The following WDR59 variants were observed in gnomAD, a reference collection of about 807,000 sequenced individuals.
The protein encoded by WDR59 is WD repeat domain 59, also known as GATOR2 complex protein WDR59.
In WDR59, 100 loss-of-function variants were observed where a neutral mutation model predicts 131.2. That is an observed-to-expected ratio of 0.76 (90% CI 0.65 to 0.90). The LOEUF is 0.90. WDR59 is among the 40% of genes least tolerant of loss of function. WDR59 has a pLI of 0.00. For missense variants in WDR59, 1,203 were observed against 1,262.2 expected (o/e 0.95, Z 0.71); for synonymous variants, 601 against 466.2 (o/e 1.29, Z -3.72).
intron 8 of WDR59, among the ~76,000 whole-genome samples, chr16:74,924,310 T>A (rs1054755663): frequency 6.6e-6 from 1 of 152,248 alleles, no homozygotes; most frequent in Non-Finnish European, 1.5e-5. Flanking sequence ...GTGTTTGATT[T>A]TGTATCACGT....
chr16:74,924,612 G>A (rs1597725733), intron 8 of WDR59, among the ~76,000 whole-genome samples: 1 of 152,240 alleles, frequency 6.6e-6, no homozygotes, highest in South Asian at 2.1e-4. Context: ...CACACAAAGT[G>A]AGCCACACAA....
chr16:74,958,317 T>C (rs74836057), intron 2 of WDR59, among the ~76,000 whole-genome samples: 3,543 of 151,994 alleles, frequency 0.023, 143 homozygotes, highest in African/African-American at 0.08. Context: ...AGGCCAGGCA[T>C]GGTGGCTCAC....
intron 18 of WDR59, among the ~76,000 whole-genome samples, chr16:74,900,854 C>A (rs570870926): frequency 6.6e-6 from 1 of 152,340 alleles, no homozygotes; most frequent in African/African-American, 2.4e-5. Flanking sequence ...TGCAGTGGCT[C>A]ACGCCTGTAA....
At chr16:74,932,151 T>C (rs1251866319) in intron 8 of WDR59, among the ~76,000 whole-genome samples, 2 of 151,778 alleles carry the variant, frequency 1.3e-5, no homozygotes. Context: ...TGGAGTGCAG[T>C]GGTCTGATCA....
chr16:74,880,177 G>A (rs1964410226), intron 25 of WDR59, among the ~76,000 whole-genome samples: 1 of 152,220 alleles, frequency 6.6e-6, no homozygotes, highest in Admixed American at 6.5e-5. Context: ...GCCGGGTGCA[G>A]TGGCTCACGC....
intron 6 of WDR59, among the ~76,000 whole-genome samples, chr16:74,948,305 C>G (rs112702441): frequency 9.2e-5 from 14 of 152,334 alleles, no homozygotes; most frequent in African/African-American, 3.4e-4. Flanking sequence ...CTGCTCCACA[C>G]CCAACAGTCC....
At position 74,914,697 on chromosome 16, in the gene WDR59, G is replaced by A. The variant is rs145958250; in HGVS notation, c.1224+1173C>T. On this transcript the variant is annotated intron_variant, in intron 13 of 25. Coordinates refer to ENST00000262144, the MANE Select transcript of WDR59 (RefSeq NM_030581.4). ...CAAGCTCTGCCTCCTGGGTTCAAGC[G>A]ATTCTCCTGCCTCAGCCTCGTGAAT... is the stretch of plus-strand genomic sequence containing the variant. 1.2e-3 allele frequency among the ~76,000 whole-genome samples: 184 copies of A among 151,642 alleles called. 3 individuals carry two copies. In the East Asian group the frequency reaches 0.028, roughly 23 times the overall value.
intron 19 of WDR59, 51 bp downstream of exon 19, chr16:74,893,628 G>T (rs765200912): frequency 2.6e-6 from 4 of 1,518,986 alleles, no homozygotes; most frequent in East Asian, 2.3e-5. Context: ...AAAAAGTTTT[G>T]CTAATCCTGG....
chr16:74,945,039 G>A lies in WDR59; in HGVS notation c.446-2213C>T, dbSNP rs1336757757. 8.6e-5 allele frequency among the ~76,000 whole-genome samples: 13 copies of A among 151,802 alleles called. 1 individual carries two copies. The highest frequency in any genetic ancestry group is 8.8e-5 in the Non-Finnish European group (6 of 67,970). The stretch of plus-strand genomic sequence containing the variant: ...CTCGGGAGGCTGAGGCAGGAGAATC[G>A]CTTGAACCCAGGAGGCGGAGGTTGC... On this transcript the variant is annotated intron_variant, in intron 6 of 25. Coordinates refer to ENST00000262144, the MANE Select transcript of WDR59 (RefSeq NM_030581.4).
intron 10 of WDR59, 70 bp downstream of exon 10, chr16:74,921,877 G>A (rs756487968): frequency 2.1e-5 from 32 of 1,541,202 alleles, no homozygotes; most frequent in Non-Finnish European, 2.7e-5. Flanking sequence ...TGGACTCCAT[G>A]GCAACACTGA....
At chr16:74,956,426 C>T in intron 3 of WDR59, 49 bp downstream of exon 3, 1 of 1,596,946 alleles carries the variant, frequency 6.3e-7, no homozygotes, top group Non-Finnish European at 8.6e-7. Flanking sequence ...CTGCCAGCCC[C>T]AGATGACACA....
At chr16:74,950,427 A>G (rs2032926755) in intron 4 of WDR59, among the ~76,000 whole-genome samples, 2 of 152,214 alleles carry the variant, frequency 1.3e-5, no homozygotes, top group South Asian at 4.1e-4. Flanking sequence ...TTCTAAATCA[A>G]ATTCCACCAG....
At chr16:74,922,404 C>T (rs1236962105) in intron 9 of WDR59, among the ~76,000 whole-genome samples, 3 of 152,200 alleles carry the variant, frequency 2.0e-5, no homozygotes, top group Non-Finnish European at 2.9e-5. Flanking sequence ...CACTGTTTCA[C>T]ATCCTAGCTA....
intron 18 of WDR59, among the ~76,000 whole-genome samples, chr16:74,902,528 C>T (rs1417305198): frequency 1.3e-5 from 2 of 152,102 alleles, no homozygotes; most frequent in South Asian, 4.1e-4. Context: ...GTGGGCTTTA[C>T]ACACCCCCAC....
chr16:74,927,897 A>ATTCT (rs1209311312), intron 8 of WDR59, among the ~76,000 whole-genome samples: 1 of 143,560 alleles, frequency 7.0e-6, no homozygotes, highest in African/African-American at 2.6e-5. Context: ...CCTTTTCTTT[A>ATTCT]TTCTTTCTTT....
At position 74,915,853 on chromosome 16, in the gene WDR59, T is replaced by C. The variant is rs781746550; in HGVS notation, c.1224+17A>G. On this transcript the variant is annotated intron_variant, in intron 13 of 25. Transcript: ENST00000262144. ...TGCCATCAGCAAACATGAGATACAG[T>C]TGATTAAACTAAGTACCTCCACATT... 5.0e-6 allele frequency: 8 copies of C among 1,614,176 alleles called. No homozygotes were observed. The highest frequency in any genetic ancestry group is 1.7e-5 in the Admixed American group (1 of 60,018).
At chr16:74,981,660 A>ATATATATATATATT (rs1567451007) in intron 1 of WDR59, among the ~76,000 whole-genome samples, 1 of 80,864 alleles carries the variant, frequency 1.2e-5, no homozygotes, top group African/African-American at 7.4e-5. Flanking sequence ...ATATATATAT[A>ATATATATATATATT]TTTTTTTTTT....
chr16:74,935,268 T>A (rs1379527433), intron 8 of WDR59, among the ~76,000 whole-genome samples: 2 of 152,124 alleles, frequency 1.3e-5, no homozygotes, highest in Admixed American at 6.6e-5. Context: ...TGTCTGGATT[T>A]CCAGGACTCT....
intron 17 of WDR59, among the ~76,000 whole-genome samples, chr16:74,904,502 A>C (rs1342674717): frequency 6.6e-6 from 1 of 152,236 alleles, no homozygotes; most frequent in Non-Finnish European, 1.5e-5. Flanking sequence ...AAAATACAAA[A>C]TGCTGATGAG....
Sources: allele counts gnomAD v4.1 joint callset (sites outside exome capture counted in the v4.1 genomes callset), GRCh38; gene constraint gnomAD v4.1.1; transcripts MANE v1.5; gene names NCBI Gene and HGNC (gene_info 2026-07-23, HGNC 2026-07-21).